EBF1: variants seen among roughly 807,000 people sequenced by gnomAD.
The protein encoded by EBF1 is transcription factor COE1.
In EBF1, 10 loss-of-function variants were observed where a neutral mutation model predicts 68.4. The ratio of observed to expected loss-of-function variants is 0.15; its 90% CI spans 0.09 to 0.25. The LOEUF (loss-of-function observed/expected upper bound fraction) is 0.25, where lower values mean the gene tolerates loss of function less well. EBF1 is among the 10% of genes least tolerant of loss of function. EBF1 has a pLI of 1.00. For missense variants in EBF1, 509 were observed against 794.4 expected (o/e 0.64, Z 4.32); for synonymous variants, 298 against 299.8 (o/e 0.99, Z 0.06).
chr5:159,096,454 C>CT, intron 2 of EBF1, 48 bp from the exon 3 acceptor site: 3 of 1,596,808 alleles, frequency 1.9e-6, no homozygotes, highest in Non-Finnish European at 2.6e-6. Flanking sequence ...GGAGAGAGGT[C>CT]TGCGTGAGCG....
intron 10 of EBF1, among the ~76,000 whole-genome samples, chr5:158,773,179 GAAA>G (rs1561882366): frequency 6.6e-6 from 1 of 151,950 alleles, no homozygotes; most frequent in African/African-American, 2.4e-5. Context: ...GGGATAGGGA[GAAA>G]AAACGGAAAA....
At chr5:158,825,050 C>G (rs1785743612) in intron 7 of EBF1, among the ~76,000 whole-genome samples, 1 of 152,160 alleles carries the variant, frequency 6.6e-6, no homozygotes, top group African/African-American at 2.4e-5. Context: ...CCATCTAGAA[C>G]AAATCATTTG....
intron 6 of EBF1, among the ~76,000 whole-genome samples, chr5:158,924,339 G>A (rs1336205634): frequency 1.3e-5 from 2 of 152,136 alleles, no homozygotes; most frequent in East Asian, 3.9e-4. Context: ...TAACATGCAG[G>A]TCCTTTCAGT....
At chr5:158,892,570 C>A (rs1030718091) in intron 6 of EBF1, among the ~76,000 whole-genome samples, 1 of 152,172 alleles carries the variant, frequency 6.6e-6, no homozygotes. Flanking sequence ...TGGCCTCATG[C>A]GATGGGGTCG....
intron 6 of EBF1, among the ~76,000 whole-genome samples, chr5:158,862,910 C>T (rs1209942462): frequency 1.3e-5 from 2 of 152,166 alleles, no homozygotes; most frequent in East Asian, 1.9e-4. Context: ...CATTCTTGAA[C>T]GATTGAATTC....
At chr5:159,051,450 G>A (rs1187934748) in intron 6 of EBF1, among the ~76,000 whole-genome samples, 1 of 62,406 alleles carries the variant, frequency 1.6e-5, no homozygotes, top group Admixed American at 1.9e-4. Flanking sequence ...CCCCCACCCC[G>A]CCGCCCGGCG....
intron 10 of EBF1, among the ~76,000 whole-genome samples, chr5:158,744,564 G>T (rs1385407029): frequency 6.6e-6 from 1 of 152,172 alleles, no homozygotes; most frequent in African/African-American, 2.4e-5. Flanking sequence ...ACAACTTGTG[G>T]ATGCTTTAAT....
At chr5:158,711,068 A>T (rs916503563) in intron 14 of EBF1, among the ~76,000 whole-genome samples, 1 of 152,248 alleles carries the variant, frequency 6.6e-6, no homozygotes, top group Non-Finnish European at 1.5e-5. Context: ...TTTAAGGCAG[A>T]GACAAGGCAC....
At chr5:158,751,118 A>G (rs1288900842) in intron 10 of EBF1, among the ~76,000 whole-genome samples, 1 of 152,172 alleles carries the variant, frequency 6.6e-6, no homozygotes, top group Non-Finnish European at 1.5e-5. Context: ...GTTCATATAT[A>G]TTTGTTATGT....
intron 6 of EBF1, among the ~76,000 whole-genome samples, chr5:158,882,452 G>A (rs1035936218): frequency 6.6e-6 from 1 of 152,254 alleles, no homozygotes; most frequent in East Asian, 1.9e-4. Context: ...CTAGATGCCA[G>A]GTACTCAACC....
chr5:158,979,377 T>C (rs1583629219), intron 6 of EBF1, among the ~76,000 whole-genome samples: 1 of 152,340 alleles, frequency 6.6e-6, no homozygotes, highest in African/African-American at 2.4e-5. Flanking sequence ...TAAAGGTTTC[T>C]TTATGGCTGT....
At chr5:159,048,110 G>A (rs1337574714) in intron 6 of EBF1, among the ~76,000 whole-genome samples, 2 of 152,198 alleles carry the variant, frequency 1.3e-5, no homozygotes, top group Admixed American at 1.3e-4. Flanking sequence ...TCTTAGGGAA[G>A]AAGACAGAAT....
chr5:159,044,364 A>C (rs1167843575), intron 6 of EBF1, among the ~76,000 whole-genome samples: 1 of 152,154 alleles, frequency 6.6e-6, no homozygotes, highest in Non-Finnish European at 1.5e-5. Flanking sequence ...GGTTGTCGCT[A>C]TTGTTGTTGT....
chr5:158,920,863 G>A (rs920412823), intron 6 of EBF1, among the ~76,000 whole-genome samples: 28 of 152,216 alleles, frequency 1.8e-4, no homozygotes, highest in African/African-American at 6.8e-4. Flanking sequence ...CTTGGTGGAA[G>A]GGATGACAGC....
intron 8 of EBF1, among the ~76,000 whole-genome samples, chr5:158,820,680 C>T (rs986735478): frequency 6.6e-6 from 1 of 152,194 alleles, no homozygotes; most frequent in African/African-American, 2.4e-5. Flanking sequence ...GATGGCCAAC[C>T]ACTTACACAG....
intron 10 of EBF1, among the ~76,000 whole-genome samples, chr5:158,749,014 C>T (rs1768189843): frequency 6.6e-6 from 1 of 152,106 alleles, no homozygotes; most frequent in Non-Finnish European, 1.5e-5. Context: ...GAGGTGTGTC[C>T]CCAAGGCAAT....
intron 6 of EBF1, among the ~76,000 whole-genome samples, chr5:158,955,138 C>T (rs1374680367): frequency 6.6e-6 from 1 of 152,090 alleles, no homozygotes. Context: ...GCCTGGCCAA[C>T]ATGGTGAAAC....
At chr5:158,978,820 AC>A (rs1757320480) in intron 6 of EBF1, among the ~76,000 whole-genome samples, 1 of 149,642 alleles carries the variant, frequency 6.7e-6, no homozygotes, top group Non-Finnish European at 1.5e-5. Flanking sequence ...ACACACACAC[AC>A]ACACACACAC....
intron 6 of EBF1, among the ~76,000 whole-genome samples, chr5:159,065,992 T>A (rs899582622): frequency 1.3e-5 from 2 of 152,078 alleles, no homozygotes; most frequent in African/African-American, 4.8e-5. Context: ...TCTATGAGCT[T>A]TTTGTCAGGT....
Sources: allele counts gnomAD v4.1 joint callset (sites outside exome capture counted in the v4.1 genomes callset), GRCh38; gene constraint gnomAD v4.1.1; transcripts MANE v1.5; gene names NCBI Gene and HGNC (gene_info 2026-07-23, HGNC 2026-07-21).